Variants in ABTB3 observed in about 807,000 individuals in gnomAD.
ABTB3 encodes ankyrin repeat- and BTB/POZ domain-containing protein 3.
chr12:107,499,515 A>G, the ABTB3 span, among the ~76,000 whole-genome samples: 2 of 152,080 alleles, frequency 1.3e-5, no homozygotes, highest in Non-Finnish European at 1.5e-5. Context: ...CTGTTTTCAC[A>G]CTGCTATAAA....
chr12:107,372,510 T>C, the ABTB3 span, among the ~76,000 whole-genome samples: 4 of 152,278 alleles, frequency 2.6e-5, no homozygotes, highest in East Asian at 7.7e-4. Context: ...GCCTGCGTCC[T>C]CAAGAAGTGT....
chr12:107,403,337 C>T, the ABTB3 span, among the ~76,000 whole-genome samples: 3 of 152,038 alleles, frequency 2.0e-5, no homozygotes, highest in African/African-American at 7.2e-5. Flanking sequence ...TGACACAGAC[C>T]GAAAATGTAA....
At chr12:107,549,605 A>G in the ABTB3 span, among the ~76,000 whole-genome samples, 1 of 152,256 alleles carries the variant, frequency 6.6e-6, no homozygotes, top group Non-Finnish European at 1.5e-5. Context: ...GAGGCCCAGT[A>G]TGGGTAGAAG....
the ABTB3 span, chr12:107,319,894 C>A: frequency 2.2e-6 from 3 of 1,354,478 alleles, no homozygotes; most frequent in Non-Finnish European, 2.9e-6. Context: ...CCCCGCCGGC[C>A]GCCGCGGCCG....
the ABTB3 span, among the ~76,000 whole-genome samples, chr12:107,388,497 T>C: frequency 1.3e-5 from 2 of 151,090 alleles, no homozygotes; most frequent in Non-Finnish European, 2.9e-5. Context: ...TCTCCTCATC[T>C]TCTTCTCCCC....
chr12:107,362,752 C>T, the ABTB3 span, among the ~76,000 whole-genome samples: 1 of 151,618 alleles, frequency 6.6e-6, no homozygotes, highest in Non-Finnish European at 1.5e-5. Flanking sequence ...ATGATCATGC[C>T]ACTGCTCTCC....
the ABTB3 span, among the ~76,000 whole-genome samples, chr12:107,613,980 C>T: frequency 6.6e-6 from 1 of 152,212 alleles, no homozygotes; most frequent in South Asian, 2.1e-4. Flanking sequence ...GATTTTCCCT[C>T]CTGCTATGAA....
At chr12:107,536,511 G>A in the ABTB3 span, among the ~76,000 whole-genome samples, 12 of 151,934 alleles carry the variant, frequency 7.9e-5, no homozygotes, top group Non-Finnish European at 1.3e-4. Flanking sequence ...ACTAATGTCC[G>A]TAATAGACAA....
the ABTB3 span, among the ~76,000 whole-genome samples, chr12:107,354,027 T>C: frequency 6.6e-6 from 1 of 152,156 alleles, no homozygotes; most frequent in East Asian, 1.9e-4. Flanking sequence ...GTTTTTGGTG[T>C]GTTTTTTTCT....
the ABTB3 span, among the ~76,000 whole-genome samples, chr12:107,337,572 A>G: frequency 6.6e-6 from 1 of 152,166 alleles, no homozygotes; most frequent in Non-Finnish European, 1.5e-5. Context: ...GTTCCACCGC[A>G]CAATTGAGGA....
chr12:107,487,819 G>A, the ABTB3 span, among the ~76,000 whole-genome samples: 2 of 152,104 alleles, frequency 1.3e-5, no homozygotes, highest in Non-Finnish European at 2.9e-5. Context: ...AAAAAAGTTA[G>A]CAAAATACAA....
At chr12:107,568,225 A>G in the ABTB3 span, among the ~76,000 whole-genome samples, 2 of 152,238 alleles carry the variant, frequency 1.3e-5, no homozygotes, top group South Asian at 4.1e-4. Flanking sequence ...GCCTTGTAAC[A>G]GCTTGCTCAT....
At chr12:107,330,044 C>A in the ABTB3 span, among the ~76,000 whole-genome samples, 1 of 152,126 alleles carries the variant, frequency 6.6e-6, no homozygotes, top group Non-Finnish European at 1.5e-5. Flanking sequence ...TGGAATGAGG[C>A]TGAAGCATGG....
At chr12:107,320,140 CT>C in the ABTB3 span, 13 of 1,363,258 alleles carry the variant, frequency 9.5e-6, no homozygotes, top group Non-Finnish European at 1.2e-5. Context: ...GCAAGTTTGC[CT>C]CGCGTCCCCC....
chr12:107,343,544 A>G, the ABTB3 span, among the ~76,000 whole-genome samples: 6 of 152,230 alleles, frequency 3.9e-5, no homozygotes, highest in Non-Finnish European at 7.3e-5. Flanking sequence ...AGACCAAACT[A>G]ACAGTGGCTT....
At chr12:107,488,476 G>A in the ABTB3 span, among the ~76,000 whole-genome samples, 7 of 151,992 alleles carry the variant, frequency 4.6e-5, no homozygotes, top group Non-Finnish European at 8.8e-5. Context: ...ACCAAGAAAT[G>A]CTTGTAAAGT....
chr12:107,325,798 T>C, the ABTB3 span, among the ~76,000 whole-genome samples: 56 of 152,352 alleles, frequency 3.7e-4, no homozygotes, highest in African/African-American at 1.3e-3. Context: ...AGTTTCCCTA[T>C]CTGTAAAATG....
the ABTB3 span, among the ~76,000 whole-genome samples, chr12:107,345,511 G>A: frequency 6.6e-6 from 1 of 152,162 alleles, no homozygotes; most frequent in East Asian, 1.9e-4. Context: ...AGAAGGGGGG[G>A]ATTATTGGTT....
chr12:107,508,624 T>A, the ABTB3 span, among the ~76,000 whole-genome samples: 1 of 151,742 alleles, frequency 6.6e-6, no homozygotes, highest in Non-Finnish European at 1.5e-5. Context: ...CCGGCCAATT[T>A]TTTGTATTTT....
Sources: gnomAD v4.1 joint callset for allele counts (sites outside exome capture counted in the v4.1 genomes callset) on GRCh38, gnomAD v4.1.1 for gene constraint, MANE v1.5 for transcripts, NCBI Gene and HGNC (gene_info 2026-07-23, HGNC 2026-07-21) for gene names.